Variants in EPHB1 observed in about 807,000 individuals in gnomAD.
The protein encoded by EPHB1 is EPH receptor B1.
In EPHB1, 30 loss-of-function variants were observed where a neutral mutation model predicts 94.4. The ratio of observed to expected loss-of-function variants is 0.32; its 90% confidence interval spans 0.24 to 0.43. The LOEUF is 0.43. EPHB1 is among the 20% of genes least tolerant of loss of function. EPHB1 has a pLI of 1.00. For synonymous variants in EPHB1, 522 were observed against 489.1 expected (o/e 1.07, Z -0.89); for missense variants, 1,055 against 1,308.3 (o/e 0.81, Z 2.99).
intron 3 of EPHB1, among the ~76,000 whole-genome samples, chr3:135,036,773 G>A (rs1936660470): frequency 6.6e-6 from 1 of 152,158 alleles, no homozygotes; most frequent in Admixed American, 6.5e-5. Context: ...CAGGCAGCTA[G>A]GTCAGGAAAC....
At chr3:135,137,321 C>A (rs1332987838) in intron 5 of EPHB1, among the ~76,000 whole-genome samples, 1 of 152,150 alleles carries the variant, frequency 6.6e-6, no homozygotes, top group East Asian at 1.9e-4. Flanking sequence ...CCCAGCACTG[C>A]CTGATTTTAT....
At chr3:135,136,656 A>G (rs907786762) in intron 5 of EPHB1, among the ~76,000 whole-genome samples, 6 of 152,146 alleles carry the variant, frequency 3.9e-5, no homozygotes, top group Non-Finnish European at 7.3e-5. Context: ...TGGCTGTGAG[A>G]TGTTTTGTGG....
At chr3:135,112,153 G>C (rs1939473000) in intron 4 of EPHB1, among the ~76,000 whole-genome samples, 1 of 152,170 alleles carries the variant, frequency 6.6e-6, no homozygotes. Flanking sequence ...GTGACTGATG[G>C]GCACCATTTG....
chr3:134,966,668 C>T (rs572390770), intron 3 of EPHB1, among the ~76,000 whole-genome samples: 4 of 152,252 alleles, frequency 2.6e-5, no homozygotes, highest in Non-Finnish European at 5.9e-5. Context: ...AGCTAAGTCA[C>T]CAGGAAGCCC....
In EPHB1 at chr3:135,201,612, G is replaced by A. The variant is rs763030853; in HGVS notation, c.2269G>A (p.Val757Met). 6.2e-7 allele frequency: 1 copy of A among 1,613,900 alleles called. No individual in the cohort carries two copies. Among genetic ancestry groups the A allele is most frequent in the African/African-American group, 1.3e-5 (1 of 74,866 alleles). The part of the protein sequence containing the change: ...ARNILVNSNL[V>M]CKVSDFGLSR... ...GAACATTCTGGTCAACAGTAACCTG[G>A]TGTGCAAGGTGTCCGACTTTGGCCT... Residue 757 changes from valine to methionine, a missense_variant, in exon 12 of 16, where the codon GTG becomes ATG. Coordinates refer to ENST00000398015, the MANE Select transcript of EPHB1 (RefSeq NM_004441.5).
intron 3 of EPHB1, among the ~76,000 whole-genome samples, chr3:135,025,185 G>T: frequency 1.0e-5 from 1 of 96,032 alleles, no homozygotes; most frequent in Non-Finnish European, 2.0e-5. Context: ...TTTTTTTCAA[G>T]AAGGTTACAA....
At chr3:135,183,940 G>A (rs1942260673) in intron 10 of EPHB1, among the ~76,000 whole-genome samples, 1 of 152,210 alleles carries the variant, frequency 6.6e-6, no homozygotes, top group African/African-American at 2.4e-5. Flanking sequence ...TCCTATAAAT[G>A]CTGTGCTTGG....
At chr3:135,130,047 A>G (rs1440936014) in intron 4 of EPHB1, among the ~76,000 whole-genome samples, 1 of 152,240 alleles carries the variant, frequency 6.6e-6, no homozygotes, top group African/African-American at 2.4e-5. Context: ...GAAATTGTGC[A>G]GAAGAACGCT....
intron 12 of EPHB1, among the ~76,000 whole-genome samples, chr3:135,232,116 A>G (rs1360244457): frequency 6.6e-6 from 1 of 152,244 alleles, no homozygotes; most frequent in Non-Finnish European, 1.5e-5. Context: ...GGTGACACTC[A>G]GAGCAAGATA....
chr3:135,130,598 G>A (rs1940382506), intron 4 of EPHB1, among the ~76,000 whole-genome samples: 1 of 152,210 alleles, frequency 6.6e-6, no homozygotes, highest in South Asian at 2.1e-4. Flanking sequence ...AGAAGCTGGA[G>A]TCAGTGGGGA....
rs577853084 is a variant in EPHB1 at position 134,882,061 on chromosome 3, T to A, written c.59-43755T>A. Reference sequence around the variant, plus strand: ...AGAGGCAAGCTAATTCAGTACTAATTTCAGGAAAAAAGATGGGGAAAAAAT... The same window carrying A: ...AGAGGCAAGCTAATTCAGTACTAATATCAGGAAAAAAGATGGGGAAAAAAT... On this transcript the variant is annotated intron_variant, in intron 1 of 15. Coordinates refer to ENST00000398015, the MANE Select transcript of EPHB1 (RefSeq NM_004441.5). 3.9e-5 allele frequency among the ~76,000 whole-genome samples: 6 copies of A among 152,242 alleles called. No individual in the cohort carries two copies. In the East Asian group the frequency reaches 1.2e-3, roughly 29 times the overall value.
intron 5 of EPHB1, among the ~76,000 whole-genome samples, chr3:135,138,790 G>T (rs1940712014): frequency 6.6e-6 from 1 of 152,184 alleles, no homozygotes; most frequent in African/African-American, 2.4e-5. Context: ...TTGTTTCATT[G>T]CTTTCTTCTC....
At chr3:135,137,659 A>G (rs1940668916) in intron 5 of EPHB1, among the ~76,000 whole-genome samples, 1 of 152,138 alleles carries the variant, frequency 6.6e-6, no homozygotes, top group Non-Finnish European at 1.5e-5. Context: ...CTTGCCTATA[A>G]AACAGGTGTC....
intron 3 of EPHB1, among the ~76,000 whole-genome samples, chr3:134,976,617 C>A (rs909397269): frequency 1.3e-5 from 2 of 152,182 alleles, no homozygotes; most frequent in Admixed American, 1.3e-4. Flanking sequence ...CACCCCATCT[C>A]CTCCTCTATG....
At chr3:135,069,958 G>A (rs886709493) in intron 3 of EPHB1, among the ~76,000 whole-genome samples, 4 of 152,284 alleles carry the variant, frequency 2.6e-5, no homozygotes, top group African/African-American at 9.6e-5. Context: ...ACAAACAGAT[G>A]TCTTTACTGC....
At chr3:134,824,159 T>C in intron 1 of EPHB1, among the ~76,000 whole-genome samples, 1 of 136,526 alleles carries the variant, frequency 7.3e-6, no homozygotes, top group Admixed American at 8.0e-5. Flanking sequence ...TTGGTAATCC[T>C]AGCTCTTGCA....
chr3:135,115,282 A>G (rs1939644520), intron 4 of EPHB1, among the ~76,000 whole-genome samples: 2 of 152,186 alleles, frequency 1.3e-5, no homozygotes, highest in Admixed American at 6.5e-5. Flanking sequence ...TGTCAAATTT[A>G]TAGGTTCTGG....
intron 3 of EPHB1, among the ~76,000 whole-genome samples, chr3:135,020,109 A>AT (rs759831528): frequency 3.3e-5 from 5 of 152,058 alleles, no homozygotes; most frequent in African/African-American, 7.2e-5. Context: ...CTGTTCATTG[A>AT]TTTTTTTTCC....
At chr3:134,931,310 G>T (rs1232409693) in intron 2 of EPHB1, among the ~76,000 whole-genome samples, 2 of 152,188 alleles carry the variant, frequency 1.3e-5, no homozygotes, top group Non-Finnish European at 2.9e-5. Context: ...TAGTCCCTCT[G>T]ATCAAGAGGC....
Sources: gnomAD v4.1 joint callset for allele counts (sites outside exome capture counted in the v4.1 genomes callset) on GRCh38, gnomAD v4.1.1 for gene constraint, MANE v1.5 for transcripts, NCBI Gene and HGNC (gene_info 2026-07-23, HGNC 2026-07-21) for gene names.